The following PIANP variants were observed in gnomAD, a reference collection of about 807,000 sequenced individuals.
PIANP encodes PILR alpha associated neural protein, also known as PILR alpha-associated neural protein.
Under a neutral mutation model 28.9 loss-of-function variants are expected in PIANP, and 14 were observed. The ratio of observed to expected loss-of-function variants is 0.49; its 90% CI spans 0.32 to 0.76. PIANP has a LOEUF of 0.76. Ranked by LOEUF, PIANP falls within the 30% of genes least tolerant of loss-of-function variation. The pLI, the probability that PIANP is intolerant of heterozygous loss-of-function variation, is 0.03. For missense variants in PIANP, 322 were observed against 371.8 expected (o/e 0.87, Z 1.10); for synonymous variants, 149 against 156.6 (o/e 0.95, Z 0.36).
rs1263846462 is a variant in PIANP at position 6,695,506 on chromosome 12, CA to C, written c.750del (p.Asp251ThrfsTer24). 2 of 1,554,700 alleles carry C rather than the reference CA, an allele frequency of 1.3e-6. No individual in the cohort carries two copies. The highest frequency in any genetic ancestry group is 1.7e-6 in the Non-Finnish European group (2 of 1,149,948). The stretch of plus-strand genomic sequence containing the variant: ...GGTCCCCCTCGGGGCTCCTCATGGT[CA>C]GGGGTGGGGGTAGGTGAGTCCCCGA... Reference protein sequence around the residue: ...GAFGDSPTPTPDHEEPRGGPR... With the variant: ...GAFGDSPTPTXDHEEPRGGPR... On this transcript the variant is annotated frameshift_variant, in exon 5 of 5. Transcript: ENST00000534837. LOFTEE classifies it high-confidence loss of function. This position sits in a 1 kb window ranked among gnomAD's most constrained non-coding sequence, Gnocchi z 4.2.
chr12:6,697,303 G>A lies in PIANP; in HGVS notation c.507C>T (p.Phe169=), dbSNP rs770702820. 45 of 1,613,684 alleles carry A rather than the reference G, an allele frequency of 2.8e-5. No individual in the cohort carries two copies. Among genetic ancestry groups the A allele is most frequent in the Middle Eastern group, 3.3e-4 (2 of 6,084 alleles). ...CCCACTCACCTTCCCCACGGCCCCC[G>A]AACAGGAATGGCCGCAGGGTGGCAG... The part of the protein sequence containing the change: ...EAPATLRPFL[F]GGRGEGVDPQ... Residue 169 remains phenylalanine, a synonymous_variant, in exon 3 of 5, where the codon TTC becomes TTT. Coordinates refer to ENST00000534837, the MANE Select transcript of PIANP (RefSeq NM_001244014.2). This position sits in a 1 kb window ranked among gnomAD's most constrained non-coding sequence, Gnocchi z 6.9.
chr12:6,698,962 G>A (rs536297041), intron 1 of PIANP, among the ~76,000 whole-genome samples: 40 of 152,284 alleles, frequency 2.6e-4, no homozygotes, highest in African/African-American at 9.1e-4. Flanking sequence ...CTGCCCAATG[G>A]GCCAGACGCA....
intron 1 of PIANP, among the ~76,000 whole-genome samples, chr12:6,698,640 G>A (rs999005435): frequency 3.3e-5 from 5 of 150,100 alleles, no homozygotes; most frequent in African/African-American, 1.2e-4. Flanking sequence ...AAGGAATGAA[G>A]AGCTGGAGGG....
rs766047153 is a variant in PIANP at position 6,697,595 on chromosome 12, C to T, written c.215G>A (p.Arg72Gln). The change falls in exon 3 of 5, where the codon CGG (arginine) becomes CAG (glutamine). Residue 72 changes from arginine (R) to glutamine (Q), a missense_variant. Arg to Gln is a conservative substitution (Grantham distance 43). Coordinates refer to ENST00000534837, the MANE Select transcript of PIANP (RefSeq NM_001244014.2). This position sits in a 1 kb window ranked among gnomAD's most constrained non-coding sequence, Gnocchi z 6.9. ...ERAPPPSRSP[R>Q]VPRSRRQVLP... ...GACTTGCCGACGTGATCTTGGGACC[C>T]GAGGAGATCGGCTTGGTGGAGGTGC... 15 of 1,580,040 alleles carry T rather than the reference C, an allele frequency of 9.5e-6. No individual in the cohort carries two copies. The highest frequency in any genetic ancestry group is 5.7e-5 in the South Asian group (5 of 86,972).
Position 6,695,320 on chromosome 12 carries a change from A to T in PIANP, c.*106T>A. ...CCTTGGGAGGGCCAGGGGCTGTGGG[A>T]GGCCACGCCTGCCTCCTCACTACCC... On this transcript the variant is annotated 3_prime_UTR_variant, in exon 5 of 5. Coordinates refer to ENST00000534837, the MANE Select transcript of PIANP (RefSeq NM_001244014.2). The surrounding 1 kb of genome is among the most constrained non-coding windows in gnomAD (Gnocchi z 4.2). 1 of 1,396,778 alleles carries T rather than the reference A, an allele frequency of 7.2e-7. No individual in the cohort carries two copies. The highest frequency in any genetic ancestry group is 9.3e-7 in the Non-Finnish European group (1 of 1,070,046). 86.5% of individuals were successfully genotyped at this position (1,396,778 alleles called of 1,614,324 possible).
chr12:6,696,380 T>C lies in PIANP; in HGVS notation c.605+63A>G. ...AAATTGCTGCCACTGCCCCTCGTGG[T>C]TAGAGCCTCGACTGCCAAACATTCC... On this transcript the variant is annotated intron_variant, in intron 4 of 4. Transcript: ENST00000534837. This position sits in a 1 kb window ranked among gnomAD's most constrained non-coding sequence, Gnocchi z 4.0. 1 of 1,299,330 alleles carries C rather than the reference T, an allele frequency of 7.7e-7. No individual in the cohort carries two copies. The highest frequency in any genetic ancestry group is 1.1e-6 in the Non-Finnish European group (1 of 951,124). 80.5% of individuals were successfully genotyped at this position (1,299,330 alleles called of 1,614,324 possible). A position where few individuals can be genotyped will look rare whatever the true frequency, so the allele number is the denominator to read the frequency against.
downstream of PIANP, among the ~76,000 whole-genome samples, chr12:6,692,822 A>G (rs182063835): frequency 2.0e-5 from 3 of 152,134 alleles, no homozygotes; most frequent in Admixed American, 6.5e-5. Context: ...GCTCAGCCAC[A>G]CTTCCCTCAG....
In PIANP at chr12:6,694,836, GAT is replaced by G; in HGVS notation, c.*588_*589del. ...GTGGGGACAGGGACCCGAAGTCACA[GAT>G]ATGTGAGGCCCCCACCTGCAGGAGG... On this transcript the variant is annotated 3_prime_UTR_variant, in exon 5 of 5. Coordinates refer to ENST00000534837, the MANE Select transcript of PIANP (RefSeq NM_001244014.2). The surrounding 1 kb of genome is among the most constrained non-coding windows in gnomAD (Gnocchi z 6.1). The G allele has an allele frequency of 1.7e-6, 1 of 600,442 alleles. No homozygotes were observed. The highest frequency in any genetic ancestry group is 2.8e-6 in the Non-Finnish European group (1 of 354,370). The allele number at this position is 600,442 out of a possible 1,614,324, so 37.2% of individuals were successfully genotyped here. A position where few individuals can be genotyped will look rare whatever the true frequency, so the allele number is the denominator to read the frequency against.
rs1222803957 is a variant in PIANP, at chr12:6,697,328, G to T, written c.482C>A (p.Pro161His). The T allele has an allele frequency of 6.2e-7, 1 of 1,614,012 alleles. No homozygotes were observed. Among genetic ancestry groups the T allele is most frequent in the Non-Finnish European group, 8.5e-7 (1 of 1,179,888 alleles). ...GAACAGGAATGGCCGCAGGGTGGCA[G>T]GTGCCTCTCCAAGGATAAGCCCATC... ...DGDGLILGEA[P>H]ATLRPFLFGG... is the part of the protein sequence containing the mutation. The change falls in exon 3 of 5, where the codon CCT becomes CAT. Residue 161 changes from proline to histidine, a missense_variant. By Grantham distance (77) the Pro-to-His change is moderately conservative. Transcript: ENST00000534837. This position sits in a 1 kb window ranked among gnomAD's most constrained non-coding sequence, Gnocchi z 6.9.
At chr12:6,693,163 A>T (rs1959738631), downstream of PIANP, among the ~76,000 whole-genome samples, 1 of 152,084 alleles carries the variant, frequency 6.6e-6, no homozygotes, top group African/African-American at 2.4e-5. Context: ...GACTGATCCC[A>T]GCTGGGCAGC....
In PIANP at chr12:6,694,406, G is replaced by A. The variant is rs1014723802; in HGVS notation, c.*1020C>T. ...CCTCAGGGTGATGCCGGCATCCTTG[G>A]AGTAGGATGGGGAGACAGAGAAACA... On this transcript the variant is annotated 3_prime_UTR_variant, in exon 5 of 5. Transcript: ENST00000534837. The surrounding 1 kb of genome is among the most constrained non-coding windows in gnomAD (Gnocchi z 6.1). 1 of 152,522 alleles carries A rather than the reference G, an allele frequency of 6.6e-6. No homozygotes were observed. Among genetic ancestry groups the A allele is most frequent in the Non-Finnish European group, 1.5e-5 (1 of 68,086 alleles). The allele number at this position is 152,522 out of a possible 1,614,324, so 9.4% of individuals were successfully genotyped here.
chr12:6,692,701 C>G (rs893762445), downstream of PIANP, among the ~76,000 whole-genome samples: 7 of 152,188 alleles, frequency 4.6e-5, no homozygotes, highest in Non-Finnish European at 1.0e-4. Flanking sequence ...CTGCTTCTTT[C>G]CCTTGTAGCA....
At chr12:6,693,247 A>C (rs1210997231), downstream of PIANP, among the ~76,000 whole-genome samples, 2 of 152,026 alleles carry the variant, frequency 1.3e-5, no homozygotes, top group East Asian at 3.9e-4. Context: ...GAGAGGGCAG[A>C]GTAGGGAAAG....
At chr12:6,698,128 C>A in intron 1 of PIANP, 24 bp from the exon 2 acceptor site, 4 of 1,507,982 alleles carry the variant, frequency 2.7e-6, no homozygotes, top group Non-Finnish European at 3.6e-6. Flanking sequence ...GGGGCCGTCA[C>A]ACCCCAGCCC....
intron 1 of PIANP, among the ~76,000 whole-genome samples, chr12:6,698,626 G>A (rs919609292): frequency 6.6e-5 from 10 of 151,922 alleles, no homozygotes; most frequent in Non-Finnish European, 1.3e-4. Context: ...GCATCTTCAG[G>A]AGAAAGGAAT....
At chr12:6,699,054 G>T (rs1482742748) in intron 1 of PIANP, among the ~76,000 whole-genome samples, 2 of 152,246 alleles carry the variant, frequency 1.3e-5, no homozygotes, top group African/African-American at 4.8e-5. Flanking sequence ...GACTAGCTTG[G>T]CCAACATAGT....
At position 6,695,599 on chromosome 12, in the gene PIANP, T is replaced by G; in HGVS notation, c.658A>C (p.Arg220=). The change falls in exon 5 of 5, where the codon AGG becomes CGG. Residue 220 remains arginine (R), a synonymous_variant. Transcript: ENST00000534837. This position sits in a 1 kb window ranked among gnomAD's most constrained non-coding sequence, Gnocchi z 4.2. ...RRPSGQQGAL[R]QEESQQPLTD... is the part of the protein sequence containing the mutation. ...AGTGGCTGCTGGCTCTCCTCCTGCC[T>G]CAGGGCACCTTGCTGCCCTGAGGGT... is the stretch of plus-strand genomic sequence containing the variant. 1 of 1,586,350 alleles carries G rather than the reference T, an allele frequency of 6.3e-7. No individual in the cohort carries two copies. The highest frequency in any genetic ancestry group is 2.3e-5 in the East Asian group (1 of 42,856).
In PIANP at chr12:6,700,109, C is replaced by T. The variant is rs1361564786; in HGVS notation, c.-44+505G>A. 1 of 152,286 alleles carries T rather than the reference C, an allele frequency of 6.6e-6. No individual in the cohort carries two copies. Among genetic ancestry groups the T allele is most frequent in the Non-Finnish European group, 1.5e-5 (1 of 68,136 alleles). The allele number at this position is 152,286 out of a possible 1,614,324, so 9.4% of individuals were successfully genotyped here. On this transcript the variant is annotated intron_variant, in intron 1 of 4. Coordinates refer to ENST00000534837, the MANE Select transcript of PIANP (RefSeq NM_001244014.2). This position sits in a 1 kb window ranked among gnomAD's most constrained non-coding sequence, Gnocchi z 5.5. ...AGTCCCCGGGCTGGCGCGCCACCCC[C>T]ACCCCTCTCCCAGCTTCTCACCGAC...
rs529081047 is a variant in PIANP at position 6,695,598 on chromosome 12, C to T, written c.659G>A (p.Arg220Lys). Residue 220 changes from arginine to lysine, a missense_variant, in exon 5 of 5, where the codon AGG (arginine) becomes AAG (lysine). Arg to Lys is a conservative substitution (Grantham distance 26). Transcript: ENST00000534837. The surrounding 1 kb of genome is among the most constrained non-coding windows in gnomAD (Gnocchi z 4.2). ...CAGTGGCTGCTGGCTCTCCTCCTGC[C>T]TCAGGGCACCTTGCTGCCCTGAGGG... ...RRPSGQQGALRQEESQQPLTD... is the reference protein window; with the variant it reads ...RRPSGQQGALKQEESQQPLTD... The T allele has an allele frequency of 1.9e-6, 3 of 1,587,456 alleles. No individual in the cohort carries two copies. The highest frequency in any genetic ancestry group is 2.7e-5 in the African/African-American group (2 of 74,056).
Sources: gnomAD v4.1 joint callset for allele counts (sites outside exome capture counted in the v4.1 genomes callset) on GRCh38, gnomAD v4.1.1 for gene constraint, Gnocchi (gnomAD v3.1) non-coding constraint, MANE v1.5 for transcripts, NCBI Gene and HGNC (gene_info 2026-07-23, HGNC 2026-07-21) for gene names.